Variants in PIGU observed in about 807,000 individuals in gnomAD.
PIGU encodes the protein GPI-anchor transamidase component PIGU.
A neutral mutation model predicts 49.9 loss-of-function variants in PIGU; 24 were observed. The observed-to-expected ratio is 0.48, with a 90% confidence interval of 0.35 to 0.68. PIGU has a LOEUF of 0.68. Ranked by LOEUF, PIGU falls within the 30% of genes least tolerant of loss-of-function variation. The pLI is 0.01. For synonymous variants in PIGU, 220 were observed against 205.7 expected (o/e 1.07, Z -0.59); for missense variants, 490 against 532.6 (o/e 0.92, Z 0.79).
rs1200763319 is a variant in PIGU, at chr20:34,637,871, C to T, written c.428+5G>A. ...ACTAAGCCTGTTTTGTCAGGGAATA[C>T]TTACAACAGGGCCACTTTCAAAGGG... On this transcript the variant is annotated splice_donor_5th_base_variant and intron_variant, in intron 5 of 11. Transcript: ENST00000217446. 1.9e-6 allele frequency: 3 copies of T among 1,609,886 alleles called. No individual in the cohort carries two copies. Among genetic ancestry groups the T allele is most frequent in the African/African-American group, 2.7e-5 (2 of 74,694 alleles).
At chr20:34,666,489 ATAAC>A (rs1987096380) in intron 1 of PIGU, among the ~76,000 whole-genome samples, 2 of 151,020 alleles carry the variant, frequency 1.3e-5, no homozygotes, top group South Asian at 4.2e-4. Context: ...CTCTTAACTG[ATAAC>A]TAACCCATGA....
chr20:34,578,887 G>A (rs1600594251), intron 10 of PIGU: 1 of 152,288 alleles, frequency 6.6e-6, no homozygotes, highest in East Asian at 1.9e-4. Flanking sequence ...AGACTTGCGA[G>A]GCCAGATGGA....
chr20:34,675,140 C>CA lies in PIGU; in HGVS notation c.130+1815dup, dbSNP rs111285275. On this transcript the variant is annotated intron_variant, in intron 1 of 11. Coordinates refer to ENST00000217446, the MANE Select transcript of PIGU (RefSeq NM_080476.5). ...GTGCATGCCTGTAATCCCAGCTGCC[C>CA]AGGAGGCTGAGGCAGAAGAATTGCT... Among the ~76,000 whole-genome samples, 247 of 150,698 alleles carry CA rather than the reference C, an allele frequency of 1.6e-3. 2 individuals are homozygous for CA. The highest frequency in any genetic ancestry group is 5.6e-3 in the African/African-American group (231 of 40,986).
At chr20:34,657,045 TA>T in intron 2 of PIGU, 134 bp downstream of exon 2, 1 of 685,826 alleles carries the variant, frequency 1.5e-6, no homozygotes, top group Non-Finnish European at 2.5e-6. Flanking sequence ...AGAGGACATC[TA>T]AAAACGGGCT....
intron 11 of PIGU, 95 bp from the exon 12 acceptor site, chr20:34,561,074 C>A: frequency 1.2e-6 from 1 of 831,960 alleles, no homozygotes. Context: ...AAGACAGGAA[C>A]GCCCCTGCCT....
intron 6 of PIGU, among the ~76,000 whole-genome samples, chr20:34,628,218 C>A (rs1985567763): frequency 6.6e-6 from 1 of 152,034 alleles, no homozygotes. Context: ...TGTGGTGGTT[C>A]ATGCCTGTAA....
chr20:34,594,892 A>C (rs1233295490), intron 7 of PIGU, among the ~76,000 whole-genome samples: 5 of 151,952 alleles, frequency 3.3e-5, no homozygotes, highest in African/African-American at 4.8e-5. Context: ...GGAGATCAAG[A>C]CCATCCTGGC....
chr20:34,676,930 C>G, intron 1 of PIGU, 26 bp downstream of exon 1: 1 of 1,559,268 alleles, frequency 6.4e-7, no homozygotes, highest in Non-Finnish European at 8.7e-7. Flanking sequence ...TGGGGCCTGA[C>G]AGTCTGCTCG....
intron 1 of PIGU, among the ~76,000 whole-genome samples, chr20:34,666,919 C>T (rs1487977344): frequency 3.9e-5 from 6 of 152,054 alleles, no homozygotes; most frequent in East Asian, 1.9e-4. Flanking sequence ...AGGATGGTCT[C>T]GATCTCCTGA....
At chr20:34,595,626 G>A (rs940082872) in intron 7 of PIGU, among the ~76,000 whole-genome samples, 7 of 152,264 alleles carry the variant, frequency 4.6e-5, no homozygotes, top group East Asian at 1.9e-4. Context: ...TAGAACCACA[G>A]TAATATTTTA....
At chr20:34,640,219 T>C (rs1314332930) in intron 4 of PIGU, among the ~76,000 whole-genome samples, 2 of 152,224 alleles carry the variant, frequency 1.3e-5, no homozygotes, top group Non-Finnish European at 2.9e-5. Context: ...TACTTCCTTA[T>C]AACCACAATC....
intron 1 of PIGU, among the ~76,000 whole-genome samples, chr20:34,661,314 T>C (rs1343861137): frequency 1.3e-5 from 2 of 152,126 alleles, no homozygotes; most frequent in Non-Finnish European, 2.9e-5. Flanking sequence ...ATCACCCAGG[T>C]AATAAGCACA....
chr20:34,576,305 G>GA (rs754931358), intron 10 of PIGU, among the ~76,000 whole-genome samples: 13 of 152,248 alleles, frequency 8.5e-5, no homozygotes, highest in Non-Finnish European at 1.6e-4. Context: ...GATGACATGT[G>GA]AAAAAATGAC....
At chr20:34,585,688 G>A (rs1311815812) in intron 8 of PIGU, 108 bp from the exon 9 acceptor site, 23 of 1,274,606 alleles carry the variant, frequency 1.8e-5, no homozygotes, top group East Asian at 1.4e-4. Context: ...AGCCAAGGAC[G>A]ACTTTCTCCC....
chr20:34,560,770 C>T lies in PIGU; in HGVS notation c.*96G>A. The T allele has an allele frequency of 1.1e-6, 1 of 912,088 alleles. No individual in the cohort carries two copies. The highest frequency in any genetic ancestry group is 3.0e-5 in the East Asian group (1 of 33,166). 56.5% of individuals were successfully genotyped at this position (912,088 alleles called of 1,614,324 possible). A position where few individuals can be genotyped will look rare whatever the true frequency, so the allele number is the denominator to read the frequency against. On this transcript the variant is annotated 3_prime_UTR_variant, in exon 12 of 12. Coordinates refer to ENST00000217446, the MANE Select transcript of PIGU (RefSeq NM_080476.5). Reference sequence around the variant, plus strand: ...ACCCTGGACTCGAACCTCTTCTGCCCAAGCACTCGCCTGCTGGCAACTCTG... The same window carrying T: ...ACCCTGGACTCGAACCTCTTCTGCCTAAGCACTCGCCTGCTGGCAACTCTG...
At chr20:34,639,384 G>C (rs559707357) in intron 4 of PIGU, among the ~76,000 whole-genome samples, 22 of 152,234 alleles carry the variant, frequency 1.4e-4, no homozygotes, top group African/African-American at 5.3e-4. Flanking sequence ...CTGGGCGACA[G>C]AGCAAGACTC....
At chr20:34,617,713 T>G (rs542931402) in intron 6 of PIGU, among the ~76,000 whole-genome samples, 47 of 152,240 alleles carry the variant, frequency 3.1e-4, no homozygotes, top group African/African-American at 1.1e-3. Context: ...AAGGGCATGA[T>G]TGGTTTTGAA....
chr20:34,625,957 A>AAT (rs143479250), intron 6 of PIGU, among the ~76,000 whole-genome samples: 40,047 of 145,546 alleles, frequency 0.28, 6,893 homozygotes, highest in African/African-American at 0.45. Context: ...ACATATATAT[A>AAT]ATATATATAT....
chr20:34,622,516 C>CA (rs1168141496), intron 6 of PIGU, among the ~76,000 whole-genome samples: 5 of 149,714 alleles, frequency 3.3e-5, no homozygotes, highest in South Asian at 2.1e-4. Context: ...GAGTCCGTCT[C>CA]AAAAAAAACA....
Sources: allele counts gnomAD v4.1 joint callset (sites outside exome capture counted in the v4.1 genomes callset), GRCh38; gene constraint gnomAD v4.1.1; transcripts MANE v1.5; gene names NCBI Gene and HGNC (gene_info 2026-07-23, HGNC 2026-07-21).